TNKS1BP1: variants seen among roughly 807,000 people sequenced by gnomAD.
TNKS1BP1 encodes CCR4-NOT transcription complex subunit 12, also known as 182 kDa tankyrase-1-binding protein.
A neutral mutation model predicts 141.1 loss-of-function variants in TNKS1BP1; 48 were observed. The observed-to-expected ratio is 0.34, with a 90% CI of 0.27 to 0.43. The LOEUF (loss-of-function observed/expected upper bound fraction) is 0.43. Ranked by LOEUF, TNKS1BP1 falls within the 20% of genes least tolerant of loss-of-function variation. The pLI, the probability that TNKS1BP1 is intolerant of heterozygous loss-of-function variation, is 1.00. For synonymous variants in TNKS1BP1, 875 were observed against 898.2 expected (o/e 0.97, Z 0.46); for missense variants, 2,149 against 2,226.0 (o/e 0.97, Z 0.70).
Position 57,302,373 on chromosome 11 carries a change from TGGG to T in TNKS1BP1, c.4683+83_4683+85del. 6.5e-7 allele frequency: 1 copy of T among 1,544,168 alleles called. No individual in the cohort carries two copies. Among genetic ancestry groups the T allele is most frequent in the African/African-American group, 1.4e-5 (1 of 73,802 alleles). ...ACAACCCGCTTTCTGCCTCCTGGAC[TGGG>T]ACTGCTCAGGGAAGCTCCAGGAATG... On this transcript the variant is annotated intron_variant, in intron 7 of 11. Transcript: ENST00000358252. This position sits in a 1 kb window ranked among gnomAD's most constrained non-coding sequence, Gnocchi z 5.5.
At chr11:57,310,687 T>G (rs1468201283) in intron 5 of TNKS1BP1, 131 bp from the exon 6 acceptor site, 19 of 1,227,006 alleles carry the variant, frequency 1.5e-5, no homozygotes, top group Non-Finnish European at 5.6e-6. Context: ...TGTGTGACCT[T>G]GAGCAAATCA....
rs564064579 is a variant in TNKS1BP1, at chr11:57,302,834, G to A, written c.4317-9C>T. 2 of 1,509,508 alleles carry A rather than the reference G, an allele frequency of 1.3e-6. No individual in the cohort carries two copies. The highest frequency in any genetic ancestry group is 2.8e-5 in the African/African-American group (2 of 72,604). 93.5% of individuals were successfully genotyped at this position (1,509,508 alleles called of 1,614,324 possible). Reference sequence around the variant, plus strand: ...CCGGGCACCTGCCAGGGCTGTAAAGGGGACAGAGAGAGAACGAGATCATCG... The same window carrying A: ...CCGGGCACCTGCCAGGGCTGTAAAGAGGACAGAGAGAGAACGAGATCATCG... On this transcript the variant is annotated splice_polypyrimidine_tract_variant and intron_variant, in intron 6 of 11. Coordinates refer to ENST00000358252, the MANE Select transcript of TNKS1BP1 (RefSeq NM_033396.3). The surrounding 1 kb of genome is among the most constrained non-coding windows in gnomAD (Gnocchi z 5.5).
In TNKS1BP1 at chr11:57,313,442, C is replaced by T. The variant is rs759208929; in HGVS notation, c.1246G>A (p.Ala416Thr). ...ACCAGGCTGGTGGGGCGGAGGTGTG[C>T]GTCACCCTTGGCCTCCTCCTCCCCG... ...SGGEEEAKGD[A>T]HLRPTSLVQR... The change falls in exon 5 of 12, where the codon GCA (alanine) becomes ACA (threonine). Residue 416 changes from alanine to threonine, a missense_variant. By Grantham distance (58) the Ala-to-Thr change is moderately conservative. Transcript: ENST00000358252. 1.9e-5 allele frequency: 30 copies of T among 1,605,822 alleles called. No individual in the cohort carries two copies. In the African/African-American group the frequency reaches 1.9e-4, roughly 10 times the overall value.
At chr11:57,322,835 T>C (rs2134378285) in intron 1 of TNKS1BP1, among the ~76,000 whole-genome samples, 1 of 152,200 alleles carries the variant, frequency 6.6e-6, no homozygotes, top group Admixed American at 6.5e-5. Context: ...AGCCTATGTA[T>C]GAAAAGGGGT....
At chr11:57,304,620 AG>A (rs1855579107) in intron 6 of TNKS1BP1, among the ~76,000 whole-genome samples, 1 of 152,232 alleles carries the variant, frequency 6.6e-6, no homozygotes, top group African/African-American at 2.4e-5. Context: ...CTGTAATCCC[AG>A]CACTTTGGGA....
rs767069383 is a variant in TNKS1BP1 at position 57,312,874 on chromosome 11, AG to A, written c.1813del (p.Leu605TrpfsTer47). 2 of 1,607,676 alleles carry A rather than the reference AG, an allele frequency of 1.2e-6. No individual in the cohort carries two copies. Among genetic ancestry groups the A allele is most frequent in the Non-Finnish European group, 1.7e-6 (2 of 1,176,288 alleles). ...GGGCAAGGCTGCCTCCCTGGTAGCC[AG>A]GGGGAGAGGGGACTCCTGTCCAGCC... Reference protein sequence around the residue: ...PLAGQESPLPLATREAALPIL... With the variant: ...PLAGQESPLPXATREAALPIL... On this transcript the variant is annotated frameshift_variant, in exon 5 of 12. Coordinates refer to ENST00000358252, the MANE Select transcript of TNKS1BP1 (RefSeq NM_033396.3). LOFTEE classifies it high-confidence loss of function.
chr11:57,313,805 A>G lies in TNKS1BP1; in HGVS notation c.883T>C (p.Ser295Pro). ...TGGGGAGAGCCAGGGCCTGAGCCTG[A>G]GGCTTCTGCGGGGAGGCCTGGGCTG... ...PASPGLPAEA[S>P]GSGPGSPHLH... Residue 295 changes from serine to proline, a missense_variant, in exon 5 of 12, where the codon TCA (serine) becomes CCA (proline). By Grantham distance (74) the Ser-to-Pro change is moderately conservative. Coordinates refer to ENST00000358252, the MANE Select transcript of TNKS1BP1 (RefSeq NM_033396.3). The G allele has an allele frequency of 6.4e-7, 1 of 1,574,566 alleles. No individual in the cohort carries two copies. Among genetic ancestry groups the G allele is most frequent in the Non-Finnish European group, 8.6e-7 (1 of 1,162,918 alleles).
At chr11:57,305,726 T>A (rs1855599876) in intron 6 of TNKS1BP1, among the ~76,000 whole-genome samples, 1 of 152,196 alleles carries the variant, frequency 6.6e-6, no homozygotes, top group South Asian at 2.1e-4. Context: ...ACACTGCCTC[T>A]CTGGGTCTCA....
At chr11:57,301,681 G>C (rs1855526312) in intron 9 of TNKS1BP1, 126 bp downstream of exon 9, 1 of 1,310,108 alleles carries the variant, frequency 7.6e-7, no homozygotes, top group South Asian at 1.4e-5. Context: ...ATGGAGAGGA[G>C]AGTGAGAGGA....
At position 57,302,489 on chromosome 11, in the gene TNKS1BP1, T is replaced by C; in HGVS notation, c.4653A>G (p.Arg1551=). 6.2e-7 allele frequency: 1 copy of C among 1,605,904 alleles called. No homozygotes were observed. The highest frequency in any genetic ancestry group is 8.5e-7 in the Non-Finnish European group (1 of 1,174,576). ...SRRPSQGPPA[R]SPSQDFSFIE... The stretch of plus-strand genomic sequence containing the variant: ...TGAAGGAGAAGTCCTGACTGGGGGA[T>C]CTGGCAGGAGGGCCTTGGGAGGGTC... The change falls in exon 7 of 12, where the codon AGA becomes AGG. Residue 1551 remains arginine (R), a synonymous_variant. Transcript: ENST00000358252. This position sits in a 1 kb window ranked among gnomAD's most constrained non-coding sequence, Gnocchi z 5.5.
Position 57,309,148 on chromosome 11 carries a change from G to C in TNKS1BP1, c.3563C>G (p.Ala1188Gly). Residue 1188 changes from alanine to glycine, a missense_variant, in exon 6 of 12, where the codon GCC becomes GGC. Coordinates refer to ENST00000358252, the MANE Select transcript of TNKS1BP1 (RefSeq NM_033396.3). This position sits in a 1 kb window ranked among gnomAD's most constrained non-coding sequence, Gnocchi z 4.3. ...ACCTGACCAGCCCATCTGTCCCACG[G>C]CACTCTCCCTGGCCTCGCTCGAGCC... is the stretch of plus-strand genomic sequence containing the variant. ...SGGSSEARESAVGQMGWSGGL... is the reference protein window; with the variant it reads ...SGGSSEARESGVGQMGWSGGL... 6.2e-7 allele frequency: 1 copy of C among 1,613,926 alleles called. No homozygotes were observed. The highest frequency in any genetic ancestry group is 1.1e-5 in the South Asian group (1 of 91,076).
At position 57,309,166 on chromosome 11, in the gene TNKS1BP1, C is replaced by T; in HGVS notation, c.3545G>A (p.Ser1182Asn). ...VSSCVGSGGS[S>N]EARESAVGQM... is the part of the protein sequence containing the mutation. ...TCCCACGGCACTCTCCCTGGCCTCGCTCGAGCCCCCAGAACCCACACAGCT... is the reference window on the plus strand; with the variant it reads ...TCCCACGGCACTCTCCCTGGCCTCGTTCGAGCCCCCAGAACCCACACAGCT... Residue 1182 changes from serine (S) to asparagine (N), a missense_variant, in exon 6 of 12, where the codon AGC becomes AAC. Coordinates refer to ENST00000358252, the MANE Select transcript of TNKS1BP1 (RefSeq NM_033396.3). This position sits in a 1 kb window ranked among gnomAD's most constrained non-coding sequence, Gnocchi z 4.3. The T allele has an allele frequency of 2.5e-6, 4 of 1,614,174 alleles. No individual in the cohort carries two copies. The highest frequency in any genetic ancestry group is 3.4e-6 in the Non-Finnish European group (4 of 1,180,018).
chr11:57,302,319 C>T lies in TNKS1BP1; in HGVS notation c.4684-95G>A. On this transcript the variant is annotated intron_variant, in intron 7 of 11. Transcript: ENST00000358252. The surrounding 1 kb of genome is among the most constrained non-coding windows in gnomAD (Gnocchi z 5.5). ...ACCAGGAGCTGGACCCCTCCTGCAGCCGGAGCTTCACGTTCACGTGACGCA... is the reference window on the plus strand; with the variant it reads ...ACCAGGAGCTGGACCCCTCCTGCAGTCGGAGCTTCACGTTCACGTGACGCA... 2.6e-6 allele frequency: 4 copies of T among 1,541,928 alleles called. No individual in the cohort carries two copies. The highest frequency in any genetic ancestry group is 1.2e-5 in the South Asian group (1 of 83,928).
In TNKS1BP1 at chr11:57,308,579, G is replaced by A; in HGVS notation, c.4132C>T (p.Leu1378=). The change falls in exon 6 of 12, where the codon CTG becomes TTG. Residue 1378 remains leucine (L), a synonymous_variant. Coordinates refer to ENST00000358252, the MANE Select transcript of TNKS1BP1 (RefSeq NM_033396.3). ...GGAGACAAGCTGCCATTGTGCCTCA[G>A]GCCGGGCTCTGGGCACTGGCTCACC... ...GGVSQCPEPG[L]RHNGSLSPGL... The A allele has an allele frequency of 6.2e-7, 1 of 1,614,134 alleles. No individual in the cohort carries two copies. The highest frequency in any genetic ancestry group is 1.1e-5 in the South Asian group (1 of 91,080).
In TNKS1BP1 at chr11:57,309,425, G is replaced by T. The variant is rs763808298; in HGVS notation, c.3286C>A (p.Pro1096Thr). The T allele has an allele frequency of 3.7e-6, 6 of 1,613,898 alleles. No homozygotes were observed. In the Admixed American group the frequency reaches 6.7e-5, roughly 18 times the overall value. The change falls in exon 6 of 12, where the codon CCC (proline) becomes ACC (threonine). Residue 1096 changes from proline (P) to threonine (T), a missense_variant. By Grantham distance (38) the Pro-to-Thr change is conservative. Coordinates refer to ENST00000358252, the MANE Select transcript of TNKS1BP1 (RefSeq NM_033396.3). The surrounding 1 kb of genome is among the most constrained non-coding windows in gnomAD (Gnocchi z 4.3). ...WVGEFSLSVG[P>T]QREAAFSPGQ... The stretch of plus-strand genomic sequence containing the variant: ...GGGCTAAATGCTGCCTCTCGCTGGG[G>T]GCCAACACTGAGGCTAAACTCACCG...
At chr11:57,314,082 C>T (rs1334318563) in intron 4 of TNKS1BP1, among the ~76,000 whole-genome samples, 193 bp from the exon 5 acceptor site, 2 of 152,130 alleles carry the variant, frequency 1.3e-5, no homozygotes. Flanking sequence ...TCACAGAGCC[C>T]CCTTTAGACC....
At position 57,318,915 on chromosome 11, in the gene TNKS1BP1, C is replaced by T. The variant is rs180965706; in HGVS notation, c.729-1028G>A. On this transcript the variant is annotated intron_variant, in intron 3 of 11. Coordinates refer to ENST00000358252, the MANE Select transcript of TNKS1BP1 (RefSeq NM_033396.3). ...ATCCCAGCACTTTGGGAGGCCGAGG[C>T]AGGCAGATCACGAGGTCAGGAGATC... is the stretch of plus-strand genomic sequence containing the variant. Among the ~76,000 whole-genome samples, 384 of 152,292 alleles carry T rather than the reference C, an allele frequency of 2.5e-3. 1 individual carries two copies. Among genetic ancestry groups the T allele is most frequent in the African/African-American group, 8.9e-3 (369 of 41,562 alleles).
intron 1 of TNKS1BP1, among the ~76,000 whole-genome samples, chr11:57,324,359 A>G (rs2134379895): frequency 6.7e-6 from 1 of 150,062 alleles, no homozygotes; most frequent in African/African-American, 2.5e-5. Flanking sequence ...GAGGAGGAGG[A>G]GGGGGCTGCG....
In TNKS1BP1 at chr11:57,317,842, T is replaced by A. The variant is rs199755682; in HGVS notation, c.774A>T (p.Ala258=). ...CATCAGCAGGTAGCTCCGAGCTGGC[T>A]GCCTTAGCCAGGTCCCCGTTGAAGG... The part of the protein sequence containing the change: ...DLAFNGDLAK[A]ASSELPADIS... The change falls in exon 4 of 12, where the codon GCA becomes GCT. Residue 258 remains alanine (A), a synonymous_variant. Coordinates refer to ENST00000358252, the MANE Select transcript of TNKS1BP1 (RefSeq NM_033396.3). 1 of 1,613,980 alleles carries A rather than the reference T, an allele frequency of 6.2e-7. No individual in the cohort carries two copies. The highest frequency in any genetic ancestry group is 2.2e-5 in the East Asian group (1 of 44,882).
Sources: allele counts gnomAD v4.1 joint callset (sites outside exome capture counted in the v4.1 genomes callset), GRCh38; gene constraint gnomAD v4.1.1; non-coding constraint Gnocchi (gnomAD v3.1); transcripts MANE v1.5; gene names NCBI Gene and HGNC (gene_info 2026-07-23, HGNC 2026-07-21).